Variants in DNAH9 observed in about 807,000 individuals in gnomAD.
The protein encoded by DNAH9 is DNAH9 variant protein.
Under a neutral mutation model 471.6 loss-of-function variants are expected in DNAH9, and 345 were observed. The ratio of observed to expected loss-of-function variants is 0.73; its 90% confidence interval spans 0.67 to 0.80. The LOEUF (loss-of-function observed/expected upper bound fraction) is 0.80, where lower values mean the gene tolerates loss of function less well. DNAH9 is among the 30% of genes least tolerant of loss of function. DNAH9 has a pLI of 0.00. For synonymous variants in DNAH9, 2,093 were observed against 2,123.6 expected, an observed-to-expected ratio of 0.99 and a Z score of 0.40; for missense variants, 5,407 against 5,609.2, an observed-to-expected ratio of 0.96 and a Z score of 1.15.
intron 17 of DNAH9, among the ~76,000 whole-genome samples, chr17:11,673,966 G>A (rs2074011832): frequency 6.6e-6 from 1 of 151,986 alleles, no homozygotes. Context: ...TGATATTATT[G>A]TATGCCATAT....
At chr17:11,745,612 A>G (rs1368438084) in intron 31 of DNAH9, among the ~76,000 whole-genome samples, 1 of 152,210 alleles carries the variant, frequency 6.6e-6, no homozygotes, top group African/African-American at 2.4e-5. Flanking sequence ...ACACACAACA[A>G]AAACAGCCAG....
rs199964012 is a variant in DNAH9 at position 11,961,916 on chromosome 17, A to T, written c.12893A>T (p.Tyr4298Phe). 86 of 1,613,922 alleles carry T rather than the reference A, an allele frequency of 5.3e-5. No individual in the cohort carries two copies. The East Asian group carries it at 1.8e-3, about 33-fold the overall frequency. Residue 4298 changes from tyrosine (Y) to phenylalanine (F), a missense_variant, in exon 68 of 69, where the codon TAC (tyrosine) becomes TTC (phenylalanine). Physicochemically the swap from Tyr to Phe is conservative, Grantham distance 22 (BLOSUM62 3). Coordinates refer to ENST00000262442, the MANE Select transcript of DNAH9 (RefSeq NM_001372.4). ...SHMENLQNAL[Y>F]FDMVPESWAR... is the part of the protein sequence containing the mutation. ...ATGGAGAACTTACAGAATGCCCTGT[A>T]CTTCGATATGGTGCCAGAGTCCTGG...
chr17:11,854,204 T>C lies in DNAH9; in HGVS notation c.9709T>C (p.Cys3237Arg). ...NFNKENIHEN[C>R]LKAIRPYLQD... ...CAACAAAGAGAACATTCACGAGAAC[T>C]GCCTCAAAGCCATCAGGCCGTATCT... The change falls in exon 50 of 69, where the codon TGC becomes CGC. Residue 3237 changes from cysteine (C) to arginine (R), a missense_variant. This residue lies in a region of DNAH9 where 4,636 missense variants were observed against 4,900.3 expected (regional missense o/e 0.95). Transcript: ENST00000262442. 1 of 1,614,212 alleles carries C rather than the reference T, an allele frequency of 6.2e-7. No individual in the cohort carries two copies. The highest frequency in any genetic ancestry group is 8.5e-7 in the Non-Finnish European group (1 of 1,180,046).
intron 61 of DNAH9, among the ~76,000 whole-genome samples, chr17:11,920,034 TCTTTTTTTTTTTTTTTTGAGAC>T (rs1300747105): frequency 7.2e-6 from 1 of 139,206 alleles, no homozygotes; most frequent in Non-Finnish European, 1.5e-5. Context: ...CTAAGTTCTT[TCTTTTTTTTTTTTTTTTGAGAC>T]AGAGTTTCGC....
intron 1 of DNAH9, among the ~76,000 whole-genome samples, chr17:11,603,084 C>G (rs1433534905): frequency 2.6e-5 from 4 of 152,184 alleles, no homozygotes; most frequent in Non-Finnish European, 5.9e-5. Context: ...TTGGTGCAAC[C>G]ACAATCCTGG....
At chr17:11,621,819 C>T (rs922724809) in intron 6 of DNAH9, among the ~76,000 whole-genome samples, 1 of 152,230 alleles carries the variant, frequency 6.6e-6, no homozygotes, top group African/African-American at 2.4e-5. Flanking sequence ...CGGTGGCTCA[C>T]GCCTGTAATC....
chr17:11,798,582 A>G (rs1337735696), intron 43 of DNAH9, among the ~76,000 whole-genome samples: 1 of 152,020 alleles, frequency 6.6e-6, no homozygotes, highest in African/African-American at 2.4e-5. Flanking sequence ...AGCCTCCAAG[A>G]CAGTCTAGCC....
intron 51 of DNAH9, among the ~76,000 whole-genome samples, 153 bp from the exon 52 acceptor site, chr17:11,871,445 G>A (rs568276207): frequency 6.6e-6 from 1 of 152,196 alleles, no homozygotes; most frequent in Non-Finnish European, 1.5e-5. Flanking sequence ...GCTACAGGCA[G>A]CACAAATCCC....
intron 22 of DNAH9, among the ~76,000 whole-genome samples, chr17:11,698,603 C>T (rs2074535661): frequency 6.6e-6 from 1 of 151,856 alleles, no homozygotes; most frequent in Non-Finnish European, 1.5e-5. Context: ...TTAGATTTGT[C>T]CTCTCATCTC....
intron 6 of DNAH9, among the ~76,000 whole-genome samples, chr17:11,621,439 A>G (rs1222719933): frequency 6.7e-6 from 1 of 149,914 alleles, no homozygotes; most frequent in Non-Finnish European, 1.5e-5. Flanking sequence ...GACAAGAGCC[A>G]GAGGGACAGG....
At position 11,781,169 on chromosome 17, in the gene DNAH9, C is replaced by T. The variant is rs765858621; in HGVS notation, c.7713C>T (p.Gly2571=). 6.2e-7 allele frequency: 1 copy of T among 1,613,696 alleles called. No homozygotes were observed. Among genetic ancestry groups the T allele is most frequent in the East Asian group, 2.2e-5 (1 of 44,872 alleles). The change falls in exon 39 of 69, where the codon GGC becomes GGT. Residue 2571 remains glycine, a synonymous_variant. Coordinates refer to ENST00000262442, the MANE Select transcript of DNAH9 (RefSeq NM_001372.4). The part of the protein sequence containing the change: ...HTIIRQHLDY[G]HWYDRSKLSL... ...TCATCCGGCAGCATCTGGACTATGG[C>T]CACTGGTAAGAGCGCCCATGTAGAG...
At chr17:11,763,743 T>A in intron 36 of DNAH9, 129 bp downstream of exon 36, 1 of 873,276 alleles carries the variant, frequency 1.1e-6, no homozygotes, top group Non-Finnish European at 1.8e-6. Context: ...AACTATTTAG[T>A]CATCTACCTA....
intron 61 of DNAH9, among the ~76,000 whole-genome samples, chr17:11,914,627 T>G (rs969272374): frequency 6.6e-6 from 1 of 152,174 alleles, no homozygotes; most frequent in Non-Finnish European, 1.5e-5. Flanking sequence ...TCCAAAATGG[T>G]TTTTATCAGA....
At chr17:11,653,502 G>T (rs1204770822) in intron 14 of DNAH9, among the ~76,000 whole-genome samples, 1 of 152,184 alleles carries the variant, frequency 6.6e-6, no homozygotes, top group Admixed American at 6.5e-5. Flanking sequence ...CTGCATTAGT[G>T]GTCAGGGAAA....
At chr17:11,919,966 C>T (rs939232406) in intron 61 of DNAH9, among the ~76,000 whole-genome samples, 1 of 151,706 alleles carries the variant, frequency 6.6e-6, no homozygotes, top group African/African-American at 2.4e-5. Context: ...GACAGATCTC[C>T]ATGATGGGAG....
chr17:11,655,616 T>TAC (rs10541372), intron 14 of DNAH9, among the ~76,000 whole-genome samples: 1 of 148,310 alleles, frequency 6.7e-6, no homozygotes, highest in African/African-American at 2.5e-5. Context: ...TATATATATA[T>TAC]ACACACACAC....
intron 1 of DNAH9, among the ~76,000 whole-genome samples, chr17:11,602,239 T>A (rs1334776328): frequency 2.6e-5 from 4 of 152,186 alleles, no homozygotes; most frequent in African/African-American, 9.7e-5. Flanking sequence ...GGTCCAAAAC[T>A]GTCTTGCAGG....
intron 19 of DNAH9, among the ~76,000 whole-genome samples, chr17:11,685,438 G>A (rs2074224745): frequency 6.6e-6 from 1 of 152,128 alleles, no homozygotes; most frequent in Non-Finnish European, 1.5e-5. Context: ...AGGAGTCTAA[G>A]TATGACAAAA....
chr17:11,907,421 G>A (rs532766550), intron 61 of DNAH9, among the ~76,000 whole-genome samples: 45 of 149,934 alleles, frequency 3.0e-4, no homozygotes, highest in African/African-American at 1.1e-3. Flanking sequence ...AGTGAGCCAA[G>A]ACCACACTAT....
Sources: gnomAD v4.1 joint callset for allele counts (sites outside exome capture counted in the v4.1 genomes callset) on GRCh38, gnomAD v4.1.1 for gene constraint, gnomAD v4.1.1 regional missense constraint, MANE v1.5 for transcripts, NCBI Gene and HGNC (gene_info 2026-07-23, HGNC 2026-07-21) for gene names.